Variants in CPPED1 observed in about 807,000 individuals in gnomAD.
CPPED1 encodes serine/threonine-protein phosphatase CPPED1.
In CPPED1, 28 loss-of-function variants were observed where a neutral mutation model predicts 28.0. The observed-to-expected ratio is 1.00, with a 90% CI of 0.74 to 1.37. The LOEUF is 1.37. Among genes scored for constraint, CPPED1 ranks in the 40% most tolerant of loss-of-function variants. The pLI is 0.00. For missense variants in CPPED1, 504 were observed against 416.5 expected (o/e 1.21, Z -1.83); for synonymous variants, 198 against 180.2 (o/e 1.10, Z -0.79).
intron 3 of CPPED1, among the ~76,000 whole-genome samples, chr16:12,695,160 TCTGA>T (rs1337241996): frequency 6.6e-6 from 1 of 152,226 alleles, no homozygotes; most frequent in East Asian, 1.9e-4. Flanking sequence ...TGTAAAAAAA[TCTGA>T]CTATGAAATT....
Position 12,659,852 on chromosome 16 carries a change from G to C in CPPED1, c.*5034C>G, listed in dbSNP as rs2079784170. 1 of 152,550 alleles carries C rather than the reference G, an allele frequency of 6.6e-6. No homozygotes were observed. The highest frequency in any genetic ancestry group is 1.5e-5 in the Non-Finnish European group (1 of 68,362). The allele number at this position is 152,550 out of a possible 1,614,324, so 9.4% of individuals were successfully genotyped here. On this transcript the variant is annotated 3_prime_UTR_variant, in exon 4 of 4. Transcript: ENST00000381774. ...ACTCACAGTTCCGCATGGCTGGGGA[G>C]GCCTCAGGAAACTTACAATCCTGGT...
chr16:12,746,934 A>C (rs2080292662), intron 2 of CPPED1, among the ~76,000 whole-genome samples: 2 of 152,106 alleles, frequency 1.3e-5, no homozygotes, highest in Non-Finnish European at 2.9e-5. Context: ...AAGTGGGATC[A>C]GGAAAAATAA....
At chr16:12,767,792 T>C (rs1378533469) in intron 2 of CPPED1, among the ~76,000 whole-genome samples, 1 of 152,142 alleles carries the variant, frequency 6.6e-6, no homozygotes, top group Non-Finnish European at 1.5e-5. Context: ...ACTCCATCTC[T>C]ACTAAAATAT....
intron 1 of CPPED1, among the ~76,000 whole-genome samples, chr16:12,785,740 GACCTC>G (rs370946827): frequency 1.5e-3 from 229 of 152,110 alleles, no homozygotes; most frequent in African/African-American, 5.2e-3. Context: ...AGATGAAAGT[GACCTC>G]TTAACAATAC....
intron 1 of CPPED1, among the ~76,000 whole-genome samples, chr16:12,794,106 C>T (rs1191732811): frequency 6.6e-6 from 1 of 152,028 alleles, no homozygotes; most frequent in Non-Finnish European, 1.5e-5. Context: ...CTCTTTCTGA[C>T]TTAACAATCG....
chr16:12,674,186 G>GA (rs917203514), intron 3 of CPPED1, among the ~76,000 whole-genome samples: 3 of 152,128 alleles, frequency 2.0e-5, no homozygotes, highest in Non-Finnish European at 4.4e-5. Context: ...GGTCCTGCAT[G>GA]AAAAAAATGA....
At chr16:12,725,932 C>T (rs977832190) in intron 2 of CPPED1, among the ~76,000 whole-genome samples, 1 of 152,190 alleles carries the variant, frequency 6.6e-6, no homozygotes, top group African/African-American at 2.4e-5. Context: ...TGGCTCATGC[C>T]TATAATCCCA....
chr16:12,687,599 C>T (rs1018976631), intron 3 of CPPED1, among the ~76,000 whole-genome samples: 2 of 152,264 alleles, frequency 1.3e-5, no homozygotes, highest in East Asian at 3.9e-4. Context: ...GGTGAAACCC[C>T]ATCTCTACTA....
chr16:12,740,723 G>C (rs1376478522), intron 2 of CPPED1, among the ~76,000 whole-genome samples: 2 of 152,210 alleles, frequency 1.3e-5, no homozygotes, highest in East Asian at 3.8e-4. Context: ...AGAATGCTGG[G>C]GGAGCAGGGG....
chr16:12,668,969 AC>A (rs1334839035), intron 3 of CPPED1, among the ~76,000 whole-genome samples: 1 of 152,306 alleles, frequency 6.6e-6, no homozygotes, highest in African/African-American at 2.4e-5. Context: ...GTGATATTTC[AC>A]TCCTAAGTAT....
intron 3 of CPPED1, among the ~76,000 whole-genome samples, chr16:12,683,389 T>C (rs1362055589): frequency 6.6e-6 from 1 of 152,134 alleles, no homozygotes; most frequent in Non-Finnish European, 1.5e-5. Flanking sequence ...TCCATTCCCC[T>C]TCTCTCGTCC....
chr16:12,801,811 C>G (rs945002765), intron 1 of CPPED1, among the ~76,000 whole-genome samples: 9 of 151,980 alleles, frequency 5.9e-5, no homozygotes, highest in African/African-American at 1.9e-4. Context: ...GTTGGGTGGA[C>G]GAAACCTACA....
chr16:12,717,524 A>G (rs1039936806), intron 2 of CPPED1, among the ~76,000 whole-genome samples: 1 of 152,136 alleles, frequency 6.6e-6, no homozygotes, highest in Non-Finnish European at 1.5e-5. Flanking sequence ...TCGGCCTCCC[A>G]AAGTGCTAGG....
At position 12,774,712 on chromosome 16, in the gene CPPED1, G is replaced by A. The variant is rs569622211; in HGVS notation, c.289+6473C>T. Reference sequence around the variant, plus strand: ...CTTTTAAGAGGTGGCTGGATCGTGAGGGCCATGCCCTCATGAATGGATGAG... The same window carrying A: ...CTTTTAAGAGGTGGCTGGATCGTGAAGGCCATGCCCTCATGAATGGATGAG... On this transcript the variant is annotated intron_variant, in intron 2 of 3. Transcript: ENST00000381774. Among the ~76,000 whole-genome samples, 230 of 152,300 alleles carry A rather than the reference G, an allele frequency of 1.5e-3. 1 individual carries two copies. The highest frequency in any genetic ancestry group is 5.2e-3 in the African/African-American group (215 of 41,546).
intron 2 of CPPED1, among the ~76,000 whole-genome samples, chr16:12,732,273 C>A (rs2080202231): frequency 1.5e-5 from 2 of 132,018 alleles, no homozygotes. Flanking sequence ...ACTATGGTAG[C>A]AAAAATGAAA....
chr16:12,699,748 C>T (rs796952133), intron 3 of CPPED1, among the ~76,000 whole-genome samples: 1 of 152,026 alleles, frequency 6.6e-6, no homozygotes, highest in African/African-American at 2.4e-5. Context: ...CATTTCAGCA[C>T]AAGGAGATAA....
chr16:12,740,025 G>GAAAGAAAAGAAAAGAAAAGA (rs143957219), intron 2 of CPPED1, among the ~76,000 whole-genome samples: 36 of 128,634 alleles, frequency 2.8e-4, no homozygotes, highest in South Asian at 1.7e-3. Flanking sequence ...AAAGACGAAA[G>GAAAGAAAAGAAAAGAAAAGA]AAAGAAAAGA....
chr16:12,741,673 C>T (rs2080256454), intron 2 of CPPED1, among the ~76,000 whole-genome samples: 1 of 152,206 alleles, frequency 6.6e-6, no homozygotes, highest in South Asian at 2.1e-4. Context: ...AACTGCGCTA[C>T]ACTTTGCACT....
At chr16:12,787,112 C>CA (rs2080568159) in intron 1 of CPPED1, among the ~76,000 whole-genome samples, 1 of 152,038 alleles carries the variant, frequency 6.6e-6, no homozygotes, top group Non-Finnish European at 1.5e-5. Context: ...CCCAAATTGA[C>CA]TTAAAAAAAT....
Sources: allele counts gnomAD v4.1 joint callset (sites outside exome capture counted in the v4.1 genomes callset), GRCh38; gene constraint gnomAD v4.1.1; transcripts MANE v1.5; gene names NCBI Gene and HGNC (gene_info 2026-07-23, HGNC 2026-07-21).